The following RPS6KA2 variants were observed in gnomAD, a reference collection of about 807,000 sequenced individuals.
The protein encoded by RPS6KA2 is ribosomal protein S6 kinase alpha-2.
In RPS6KA2, 42 loss-of-function variants were observed where a neutral mutation model predicts 91.8. The ratio of observed to expected loss-of-function variants is 0.46; its 90% CI spans 0.36 to 0.59. The LOEUF (loss-of-function observed/expected upper bound fraction) is 0.59. Ranked by LOEUF, RPS6KA2 falls within the 20% of genes least tolerant of loss-of-function variation. The pLI, the probability that RPS6KA2 is intolerant of heterozygous loss-of-function variation, is 0.00. For synonymous variants in RPS6KA2, 414 were observed against 393.6 expected, an observed-to-expected ratio of 1.05 and a Z score of -0.61; for missense variants, 798 against 978.5, an observed-to-expected ratio of 0.82 and a Z score of 2.46.
Position 166,430,103 on chromosome 6 carries a change from G to A in RPS6KA2, c.1581+350C>T, listed in dbSNP as rs181756033. ...CTCCCGAGTAGCTAGGATTGCAGGT[G>A]TGTGCCATCATGCCCAGCTAATTTT... On this transcript the variant is annotated intron_variant, in intron 16 of 20. Coordinates refer to ENST00000265678, the MANE Select transcript of RPS6KA2 (RefSeq NM_021135.6). 2.8e-3 allele frequency among the ~76,000 whole-genome samples: 423 copies of A among 151,924 alleles called. 1 individual carries two copies. The highest frequency in any genetic ancestry group is 5.1e-3 in the Non-Finnish European group (347 of 67,964).
intron 1 of RPS6KA2, among the ~76,000 whole-genome samples, chr6:166,581,648 T>A (rs1362443220): frequency 6.6e-6 from 1 of 152,158 alleles, no homozygotes; most frequent in Non-Finnish European, 1.5e-5. Flanking sequence ...TGACAGAGAA[T>A]TATACCCAGA....
chr6:166,470,153 C>A (rs567218871), intron 10 of RPS6KA2, among the ~76,000 whole-genome samples: 2 of 152,318 alleles, frequency 1.3e-5, no homozygotes, highest in African/African-American at 4.8e-5. Context: ...AAGAGGTGGT[C>A]AAGAGAAGCA....
At chr6:166,617,571 C>T (rs892651519) in intron 1 of RPS6KA2, among the ~76,000 whole-genome samples, 4 of 152,166 alleles carry the variant, frequency 2.6e-5, no homozygotes, top group South Asian at 2.1e-4. Flanking sequence ...ATTTGACTTA[C>T]GCGACGGTTT....
intron 2 of RPS6KA2, among the ~76,000 whole-genome samples, chr6:166,736,808 T>C (rs1046819682): frequency 6.6e-6 from 1 of 152,176 alleles, no homozygotes; most frequent in Non-Finnish European, 1.5e-5. Context: ...TGACTAATGA[T>C]GGGAATTTCA....
intron 2 of RPS6KA2, among the ~76,000 whole-genome samples, chr6:166,765,899 G>A (rs757095258): frequency 3.7e-4 from 56 of 152,164 alleles, no homozygotes; most frequent in Non-Finnish European, 1.0e-4. Flanking sequence ...GGGAAGGGAG[G>A]TTGAGTATAC....
At chr6:166,782,282 A>ACT (rs77852948) in intron 2 of RPS6KA2, among the ~76,000 whole-genome samples, 32,702 of 152,026 alleles carry the variant, frequency 0.22, 4,323 homozygotes, top group African/African-American at 0.37. Context: ...ACAGAGCAAG[A>ACT]CTGTCTCAAA....
At chr6:166,842,595 T>C (rs1283256604) in intron 2 of RPS6KA2, among the ~76,000 whole-genome samples, 2 of 152,204 alleles carry the variant, frequency 1.3e-5, no homozygotes, top group Non-Finnish European at 2.9e-5. Flanking sequence ...AGGAGACTAA[T>C]CCAGCACTGA....
chr6:166,674,087 A>T (rs916325569), intron 2 of RPS6KA2, among the ~76,000 whole-genome samples: 1 of 152,230 alleles, frequency 6.6e-6, no homozygotes, highest in African/African-American at 2.4e-5. Flanking sequence ...TCTGATCAAG[A>T]AAATTGTGTA....
chr6:166,461,089 G>A (rs1039906791), intron 11 of RPS6KA2, among the ~76,000 whole-genome samples: 3 of 152,048 alleles, frequency 2.0e-5, no homozygotes, highest in Non-Finnish European at 2.9e-5. Context: ...GAGCTCCCCC[G>A]GGGGCTTATC....
Position 166,757,293 on chromosome 6 carries a change from C to G in RPS6KA2, c.123+100907G>C, listed in dbSNP as rs142846744. 2.8e-3 allele frequency among the ~76,000 whole-genome samples: 422 copies of G among 152,248 alleles called. 4 individuals carry two copies. The highest frequency in any genetic ancestry group is 9.7e-3 in the African/African-American group (403 of 41,532). Reference sequence around the variant, plus strand: ...CAGAAACATTAAGTTTTCTTGGGCTCAAACACACCCTCAAACACAAGATAA... The same window carrying G: ...CAGAAACATTAAGTTTTCTTGGGCTGAAACACACCCTCAAACACAAGATAA... On this transcript the variant is annotated intron_variant, in intron 2 of 21. Coordinates refer to the RPS6KA2 transcript ENST00000503859.
rs1004515270 is a variant in RPS6KA2, at chr6:166,665,627, C to A, written c.124-126843G>T. ...CTTCTGAAAGACTCCAGAGCCAGTGCGACCCTCATTAGAACAAGCACCGGA... is the reference window on the plus strand; with the variant it reads ...CTTCTGAAAGACTCCAGAGCCAGTGAGACCCTCATTAGAACAAGCACCGGA... On this transcript the variant is annotated intron_variant, in intron 2 of 21. Coordinates refer to the RPS6KA2 transcript ENST00000503859. The surrounding 1 kb of genome is among the most constrained non-coding windows in gnomAD (Gnocchi z 4.5). 3.3e-5 allele frequency among the ~76,000 whole-genome samples: 5 copies of A among 152,148 alleles called. No individual in the cohort carries two copies. Among genetic ancestry groups the A allele is most frequent in the Non-Finnish European group, 5.9e-5 (4 of 68,026 alleles).
intron 12 of RPS6KA2, among the ~76,000 whole-genome samples, chr6:166,457,133 C>A (rs2128458856): frequency 6.6e-6 from 1 of 152,346 alleles, no homozygotes; most frequent in South Asian, 2.1e-4. Context: ...CATGTTGGCA[C>A]CTCACGAGGA....
chr6:166,754,864 GC>G (rs1463099167), intron 2 of RPS6KA2, among the ~76,000 whole-genome samples: 1 of 152,172 alleles, frequency 6.6e-6, no homozygotes, highest in Non-Finnish European at 1.5e-5. Context: ...TGAGATGGGT[GC>G]CCAGGGCGGC....
chr6:166,764,340 G>C (rs1000211488), intron 2 of RPS6KA2, among the ~76,000 whole-genome samples: 16 of 152,194 alleles, frequency 1.1e-4, no homozygotes, highest in Non-Finnish European at 2.1e-4. Flanking sequence ...GGAAGAGTGG[G>C]AGGCTCTGCC....
chr6:166,496,883 G>C (rs778381865), intron 8 of RPS6KA2, among the ~76,000 whole-genome samples: 8 of 152,218 alleles, frequency 5.3e-5, no homozygotes, highest in African/African-American at 1.9e-4. Context: ...ATAGCCCAGC[G>C]TCAGCAAAGG....
At chr6:166,709,354 A>G (rs4710082) in intron 2 of RPS6KA2, among the ~76,000 whole-genome samples, 137,543 of 151,572 alleles carry the variant, frequency 0.91, 62,523 homozygotes, top group East Asian at 0.96. Context: ...TGGGCTGAGT[A>G]AGTTGGCTCA....
At chr6:166,658,759 A>C (rs929013386) in intron 2 of RPS6KA2, among the ~76,000 whole-genome samples, 1 of 152,186 alleles carries the variant, frequency 6.6e-6, no homozygotes, top group Non-Finnish European at 1.5e-5. Flanking sequence ...TCATCTGTGC[A>C]AGGGAAACTT....
intron 2 of RPS6KA2, among the ~76,000 whole-genome samples, chr6:166,535,409 T>C (rs1374762918): frequency 1.3e-5 from 2 of 152,230 alleles, no homozygotes; most frequent in Non-Finnish European, 2.9e-5. Context: ...GGAAGACATT[T>C]AAAGACATGT....
At chr6:166,472,897 C>A (rs937604171) in intron 10 of RPS6KA2, among the ~76,000 whole-genome samples, 1 of 152,154 alleles carries the variant, frequency 6.6e-6, no homozygotes, top group Admixed American at 6.5e-5. Context: ...GCACAGAAGG[C>A]CGGAATTCCC....
Sources: allele counts gnomAD v4.1 joint callset (sites outside exome capture counted in the v4.1 genomes callset), GRCh38; gene constraint gnomAD v4.1.1; non-coding constraint Gnocchi (gnomAD v3.1); transcripts MANE v1.5; gene names NCBI Gene and HGNC (gene_info 2026-07-23, HGNC 2026-07-21).